The following LHFPL3 variants were observed in gnomAD, a reference collection of about 807,000 sequenced individuals.
LHFPL3 encodes LHFPL tetraspan subfamily member 3.
LHFPL3 carries 5 observed loss-of-function variants against 19.3 expected under a neutral mutation model. The observed-to-expected ratio is 0.26, with a 90% CI of 0.14 to 0.54. The LOEUF is 0.54. LHFPL3 is among the 20% of genes least tolerant of loss of function. LHFPL3 has a pLI of 0.94. For synonymous variants in LHFPL3, 133 were observed against 126.2 expected, an observed-to-expected ratio of 1.05 and a Z score of -0.36; for missense variants, 249 against 307.4, an observed-to-expected ratio of 0.81 and a Z score of 1.42.
intron 1 of LHFPL3, among the ~76,000 whole-genome samples, chr7:104,442,172 T>A (rs1426716397): frequency 6.6e-6 from 1 of 152,138 alleles, no homozygotes; most frequent in Admixed American, 6.5e-5. Context: ...TTTTTTCACA[T>A]ATATATTGGC....
At chr7:104,729,965 A>C (rs1214818192) in intron 1 of LHFPL3, among the ~76,000 whole-genome samples, 1 of 148,774 alleles carries the variant, frequency 6.7e-6, no homozygotes, top group South Asian at 2.1e-4. Flanking sequence ...CTCATTGTTC[A>C]GTTCCCACCT....
At chr7:104,902,515 G>A (rs898095359) in intron 2 of LHFPL3, among the ~76,000 whole-genome samples, 34 of 151,968 alleles carry the variant, frequency 2.2e-4, no homozygotes, top group African/African-American at 6.3e-4. Context: ...GGCCGGGTGC[G>A]GTGGCTCACT....
At chr7:104,805,241 C>T (rs139774133) in intron 2 of LHFPL3, among the ~76,000 whole-genome samples, 3 of 152,320 alleles carry the variant, frequency 2.0e-5, no homozygotes, top group South Asian at 2.1e-4. Flanking sequence ...GTTTCATTGA[C>T]GATATCTGGG....
At chr7:104,545,123 G>A (rs186081922) in intron 1 of LHFPL3, among the ~76,000 whole-genome samples, 1 of 152,092 alleles carries the variant, frequency 6.6e-6, no homozygotes, top group Non-Finnish European at 1.5e-5. Flanking sequence ...TTTGATTAGG[G>A]CCAACTGACT....
chr7:104,705,614 ATT>A (rs546928596), intron 1 of LHFPL3, among the ~76,000 whole-genome samples: 2 of 151,774 alleles, frequency 1.3e-5, no homozygotes, highest in East Asian at 3.9e-4. Context: ...AGGAATTGTA[ATT>A]TTTTTTGCAT....
intron 1 of LHFPL3, among the ~76,000 whole-genome samples, chr7:104,507,652 A>C (rs1226360020): frequency 8.6e-6 from 1 of 115,630 alleles, no homozygotes; most frequent in African/African-American, 3.2e-5. Flanking sequence ...AAAAGAAACT[A>C]CCATCAGAGT....
At chr7:104,594,954 G>A (rs564897934) in intron 1 of LHFPL3, among the ~76,000 whole-genome samples, 7 of 152,262 alleles carry the variant, frequency 4.6e-5, no homozygotes, top group African/African-American at 1.4e-4. Flanking sequence ...TCTTTTCAAC[G>A]TTTTCAGCTT....
At chr7:104,643,141 T>C (rs1039433816) in intron 1 of LHFPL3, among the ~76,000 whole-genome samples, 1 of 152,334 alleles carries the variant, frequency 6.6e-6, no homozygotes, top group African/African-American at 2.4e-5. Context: ...ATCCACCAAA[T>C]CTCTCCTTTT....
At chr7:104,625,430 C>T (rs1791524496) in intron 1 of LHFPL3, among the ~76,000 whole-genome samples, 1 of 152,198 alleles carries the variant, frequency 6.6e-6, no homozygotes, top group Non-Finnish European at 1.5e-5. Flanking sequence ...GAGACAAAAT[C>T]CTCCCACTCA....
chr7:104,569,266 G>A (rs890830383), intron 1 of LHFPL3, among the ~76,000 whole-genome samples: 1 of 152,124 alleles, frequency 6.6e-6, no homozygotes, highest in Non-Finnish European at 1.5e-5. Context: ...TTATGACTGT[G>A]TCCTATTAAG....
chr7:104,666,447 C>A (rs1792344378), intron 1 of LHFPL3, among the ~76,000 whole-genome samples: 1 of 144,888 alleles, frequency 6.9e-6, no homozygotes, highest in Non-Finnish European at 1.5e-5. Context: ...TTGTGCCTGT[C>A]TTACTTCACT....
intron 1 of LHFPL3, among the ~76,000 whole-genome samples, chr7:104,579,413 T>C (rs1377770356): frequency 6.6e-6 from 1 of 152,192 alleles, no homozygotes; most frequent in Admixed American, 6.5e-5. Flanking sequence ...ACATGCGGTA[T>C]TGGGTTTTCT....
chr7:104,772,814 G>T (rs1794576255), intron 2 of LHFPL3, among the ~76,000 whole-genome samples: 1 of 152,206 alleles, frequency 6.6e-6, no homozygotes, highest in African/African-American at 2.4e-5. Flanking sequence ...GAAGACACAT[G>T]ACTCAGGCTT....
At chr7:104,688,804 C>T (rs116619551) in intron 1 of LHFPL3, among the ~76,000 whole-genome samples, 68 of 152,234 alleles carry the variant, frequency 4.5e-4, no homozygotes, top group African/African-American at 1.5e-3. Context: ...GTGCTACACT[C>T]CAAAAGAACT....
intron 2 of LHFPL3, among the ~76,000 whole-genome samples, chr7:104,856,703 T>G (rs1294018450): frequency 6.6e-6 from 1 of 152,240 alleles, no homozygotes; most frequent in African/African-American, 2.4e-5. Context: ...ACTTGCTTAG[T>G]AGAATGAAAT....
chr7:104,865,023 T>G (rs1365103606), intron 2 of LHFPL3, among the ~76,000 whole-genome samples: 1 of 149,150 alleles, frequency 6.7e-6, no homozygotes, highest in Non-Finnish European at 1.5e-5. Context: ...TCCTGACTGT[T>G]AGAAGGAAAA....
At chr7:104,583,186 A>G (rs1790496040) in intron 1 of LHFPL3, among the ~76,000 whole-genome samples, 1 of 152,146 alleles carries the variant, frequency 6.6e-6, no homozygotes, top group Non-Finnish European at 1.5e-5. Flanking sequence ...TCTTTGACAA[A>G]CCTGACAAAA....
At chr7:104,342,978 ATAT>A (rs1789985812) in intron 1 of LHFPL3, among the ~76,000 whole-genome samples, 1 of 148,648 alleles carries the variant, frequency 6.7e-6, no homozygotes, top group East Asian at 2.0e-4. Flanking sequence ...CTTCTTTTGC[ATAT>A]TATTAAAGAA....
chr7:104,665,660 A>G (rs1792319072), intron 1 of LHFPL3, among the ~76,000 whole-genome samples: 2 of 152,224 alleles, frequency 1.3e-5, no homozygotes, highest in Non-Finnish European at 1.5e-5. Context: ...AACTTGTCTG[A>G]AAGTGTGATT....
Sources: allele counts gnomAD v4.1 joint callset (sites outside exome capture counted in the v4.1 genomes callset), GRCh38; gene constraint gnomAD v4.1.1; transcripts MANE v1.5; gene names NCBI Gene and HGNC (gene_info 2026-07-23, HGNC 2026-07-21).